The following KAT8 variants were observed in gnomAD, a reference collection of about 807,000 sequenced individuals.
The protein encoded by KAT8 is lysine acetyltransferase 8, also known as histone acetyltransferase KAT8.
In KAT8, 40 loss-of-function variants were observed where a neutral mutation model predicts 62.9. That is an observed-to-expected ratio of 0.64 (90% CI 0.49 to 0.83). KAT8 has a LOEUF of 0.83. KAT8 is among the 40% of genes least tolerant of loss of function. The probability of loss-of-function intolerance (pLI) is 0.00; values close to 1 mark genes in which losing one functional copy is unlikely to be tolerated. For missense variants in KAT8, 387 were observed against 614.8 expected (o/e 0.63, Z 3.92); for synonymous variants, 278 against 254.5 (o/e 1.09, Z -0.88).
chr16:31,125,707 G>C (rs573621084), intron 3 of KAT8: 1 of 152,270 alleles, frequency 6.6e-6, no homozygotes, highest in South Asian at 2.1e-4. Flanking sequence ...TGTGGAGGGG[G>C]TTCTGGGTAA....
At chr16:31,129,767 C>T (rs1440712828) in intron 6 of KAT8, among the ~76,000 whole-genome samples, 1 of 152,250 alleles carries the variant, frequency 6.6e-6, no homozygotes, top group Non-Finnish European at 1.5e-5. Flanking sequence ...ATGGAAGGCA[C>T]CCAGCTCGTA....
chr16:31,129,408 G>A (rs921117439), intron 6 of KAT8, among the ~76,000 whole-genome samples: 1 of 152,208 alleles, frequency 6.6e-6, no homozygotes, highest in Non-Finnish European at 1.5e-5. Context: ...CACTCTGGGA[G>A]CTTCAGCTTC....
At chr16:31,126,665 CAGTT>C in intron 3 of KAT8, 1 of 254,720 alleles carries the variant, frequency 3.9e-6, no homozygotes, top group South Asian at 4.6e-5. Flanking sequence ...GAGGTAGTAA[CAGTT>C]CTTACGCTGG....
At position 31,129,344 on chromosome 16, in the gene KAT8, G is replaced by T. The variant is rs965141768; in HGVS notation, c.772-673G>T. On this transcript the variant is annotated intron_variant, in intron 6 of 10. Transcript: ENST00000219797. ...GCAGAAGGGCCCCCGCTGGAGATGT[G>T]GGGGTGCTTTCCAACTGCGCTCTGC... Among the ~76,000 whole-genome samples the T allele has an allele frequency of 5.3e-5, 8 of 152,266 alleles. No individual in the cohort carries two copies. The East Asian group carries it at 1.5e-3, about 29-fold the overall frequency.
intron 3 of KAT8, among the ~76,000 whole-genome samples, chr16:31,125,128 G>A (rs2057523742): frequency 6.6e-6 from 1 of 151,772 alleles, no homozygotes; most frequent in Non-Finnish European, 1.5e-5. Context: ...GAAGGCAGAG[G>A]TTGTGGTGAG....
At position 31,117,996 on chromosome 16, in the gene KAT8, G is replaced by T. The variant is rs1225992687; in HGVS notation, c.211+104G>T. On this transcript the variant is annotated intron_variant, in intron 1 of 10. Transcript: ENST00000219797. ...AGTGAGGCCAAGATCCGGGGGCTGG[G>T]AGTGGAGAGGAGGAGGGGCGGGGCT... The T allele has an allele frequency of 4.6e-6, 4 of 875,902 alleles. No homozygotes were observed. In the East Asian group the frequency reaches 1.3e-4, roughly 29 times the overall value. The allele number at this position is 875,902 out of a possible 1,614,324, so 54.3% of individuals were successfully genotyped here. A position where few individuals can be genotyped will look rare whatever the true frequency, so the allele number is the denominator to read the frequency against.
At chr16:31,120,165 C>T in intron 1 of KAT8, 21 bp from the exon 2 acceptor site, 1 of 1,609,580 alleles carries the variant, frequency 6.2e-7, no homozygotes, top group Non-Finnish European at 8.5e-7. Flanking sequence ...TCCTGATGAC[C>T]CTAGCCTTTT....
chr16:31,120,889 T>G (rs538845188), intron 3 of KAT8: 12 of 187,530 alleles, frequency 6.4e-5, no homozygotes, highest in Admixed American at 2.8e-4. Context: ...GTGCTGTATA[T>G]GTATAAGCTC....
Position 31,120,051 on chromosome 16 carries a change from G to A in KAT8, c.212-135G>A, listed in dbSNP as rs969494573. On this transcript the variant is annotated intron_variant, in intron 1 of 10. Transcript: ENST00000219797. ...CCACCTCACAGTTGTGGCAGTGATT[G>A]AGTAGAATGGCAGAGGTGGACCAGT... The A allele has an allele frequency of 4.2e-6, 3 of 707,462 alleles. No homozygotes were observed. In the African/African-American group the frequency reaches 5.3e-5, roughly 12 times the overall value. 43.8% of individuals were successfully genotyped at this position (707,462 alleles called of 1,614,324 possible). A position where few individuals can be genotyped will look rare whatever the true frequency, so the allele number is the denominator to read the frequency against.
At chr16:31,126,782 T>G in intron 3 of KAT8, 1 of 528,444 alleles carries the variant, frequency 1.9e-6, no homozygotes, top group Non-Finnish European at 3.4e-6. Flanking sequence ...CCTAACCCTG[T>G]TCATCTGGCA....
In KAT8 at chr16:31,131,290, C is replaced by T. The variant is rs1161634458; in HGVS notation, c.*31C>T. 3 of 1,613,378 alleles carry T rather than the reference C, an allele frequency of 1.9e-6. No individual in the cohort carries two copies. The highest frequency in any genetic ancestry group is 2.2e-5 in the East Asian group (1 of 44,814). Reference sequence around the variant, plus strand: ...CTGGCCCCTGCTGTCGGACCTGAGCCTCCTGGCTCCCAGCCTGTAAATATG... The same window carrying T: ...CTGGCCCCTGCTGTCGGACCTGAGCTTCCTGGCTCCCAGCCTGTAAATATG... On this transcript the variant is annotated 3_prime_UTR_variant, in exon 11 of 11. Transcript: ENST00000219797.
intron 6 of KAT8, among the ~76,000 whole-genome samples, chr16:31,128,369 G>A (rs187015111): frequency 3.3e-5 from 5 of 152,242 alleles, no homozygotes; most frequent in Middle Eastern, 3.4e-3. Context: ...GTAACATGAC[G>A]AAACTCCTCG....
intron 1 of KAT8, among the ~76,000 whole-genome samples, chr16:31,119,450 G>T (rs960739699): frequency 6.6e-6 from 1 of 152,060 alleles, no homozygotes; most frequent in Non-Finnish European, 1.5e-5. Flanking sequence ...GCCCAGCCCT[G>T]GAATTATACA....
intron 6 of KAT8, 81 bp from the exon 7 acceptor site, chr16:31,129,936 G>A (rs574762173): frequency 2.0e-6 from 3 of 1,511,452 alleles, no homozygotes; most frequent in Admixed American, 2.1e-5. Flanking sequence ...CACTTCGCGT[G>A]GGCTGGTGCC....
intron 3 of KAT8, among the ~76,000 whole-genome samples, chr16:31,125,026 TCA>T (rs2057523258): frequency 6.6e-6 from 1 of 151,542 alleles, no homozygotes; most frequent in Non-Finnish European, 1.5e-5. Context: ...AAATTTCATC[TCA>T]AAAAACAAAA....
chr16:31,118,043 C>T (rs1376195990), intron 1 of KAT8, 151 bp downstream of exon 1: 6 of 605,482 alleles, frequency 9.9e-6, no homozygotes, highest in African/African-American at 3.8e-5. Context: ...CGCCGCGTTC[C>T]GGGCGCTGAG....
chr16:31,127,797 C>T (rs1321058791), intron 5 of KAT8, among the ~76,000 whole-genome samples: 3 of 152,174 alleles, frequency 2.0e-5, no homozygotes, highest in African/African-American at 4.8e-5. Flanking sequence ...ATGGACGGGT[C>T]CCTCCAGAGC....
At chr16:31,126,629 C>T (rs1235516705) in intron 3 of KAT8, 1 of 203,712 alleles carries the variant, frequency 4.9e-6, no homozygotes, top group Non-Finnish European at 1.0e-5. Flanking sequence ...GTCTGGTCCT[C>T]AGGAAAGGGG....
At chr16:31,125,088 A>C (rs1434253199) in intron 3 of KAT8, among the ~76,000 whole-genome samples, 1 of 151,724 alleles carries the variant, frequency 6.6e-6, no homozygotes, top group Non-Finnish European at 1.5e-5. Context: ...GCCACTTGGG[A>C]GGCTGACGTA....
Sources: allele counts gnomAD v4.1 joint callset (sites outside exome capture counted in the v4.1 genomes callset), GRCh38; gene constraint gnomAD v4.1.1; transcripts MANE v1.5; gene names NCBI Gene and HGNC (gene_info 2026-07-23, HGNC 2026-07-21).